The following PCDH9 variants were observed in gnomAD, a reference collection of about 807,000 sequenced individuals.
The protein encoded by PCDH9 is protocadherin-9.
Under a neutral mutation model 70.6 loss-of-function variants are expected in PCDH9, and 24 were observed. The ratio of observed to expected loss-of-function variants is 0.34; its 90% CI spans 0.25 to 0.48. The LOEUF (loss-of-function observed/expected upper bound fraction) is 0.48. Among genes scored for constraint, PCDH9 ranks in the 20% least tolerant of loss-of-function variants. The pLI is 0.99. For synonymous variants in PCDH9, 562 were observed against 558.5 expected, an observed-to-expected ratio of 1.01 and a Z score of -0.09; for missense variants, 1,281 against 1,503.6, an observed-to-expected ratio of 0.85 and a Z score of 2.45.
At chr13:66,552,922 G>A (rs1357938294) in intron 4 of PCDH9, among the ~76,000 whole-genome samples, 3 of 152,058 alleles carry the variant, frequency 2.0e-5, no homozygotes, top group East Asian at 1.9e-4. Context: ...AAGCAAACAC[G>A]TCCTTCTTCA....
chr13:67,225,404 C>T lies in PCDH9; in HGVS notation c.3036+1G>A. The T allele has an allele frequency of 6.2e-7, 1 of 1,613,560 alleles. No individual in the cohort carries two copies. The highest frequency in any genetic ancestry group is 8.5e-7 in the Non-Finnish European group (1 of 1,179,742). On this transcript the variant is annotated splice_donor_variant, in intron 2 of 4. Coordinates refer to ENST00000377865, the MANE Select transcript of PCDH9 (RefSeq NM_203487.3). LOFTEE classifies it high-confidence loss of function. ...ATAGACCAGTAAAAGTGCTCGTTTACCTGTCTGGTGTGTAAGGGGCCCTTT... is the reference window on the plus strand; with the variant it reads ...ATAGACCAGTAAAAGTGCTCGTTTATCTGTCTGGTGTGTAAGGGGCCCTTT...
At chr13:66,904,434 A>G (rs9571688) in intron 2 of PCDH9, among the ~76,000 whole-genome samples, 41,603 of 151,852 alleles carry the variant, frequency 0.27, 6,116 homozygotes, top group East Asian at 0.38. Context: ...ATTTGTAAGT[A>G]TTGCTGTCTG....
At chr13:66,716,651 G>T (rs1455476288) in intron 3 of PCDH9, among the ~76,000 whole-genome samples, 1 of 152,158 alleles carries the variant, frequency 6.6e-6, no homozygotes, top group Non-Finnish European at 1.5e-5. Context: ...CCCTGGCATT[G>T]CTTGGATGGG....
At chr13:67,010,183 T>C (rs754750861) in intron 2 of PCDH9, among the ~76,000 whole-genome samples, 5 of 152,064 alleles carry the variant, frequency 3.3e-5, no homozygotes, top group Non-Finnish European at 7.4e-5. Flanking sequence ...AATTAACTAC[T>C]ATTATTGTTG....
At chr13:67,122,644 C>T (rs1376146539) in intron 2 of PCDH9, among the ~76,000 whole-genome samples, 3 of 151,564 alleles carry the variant, frequency 2.0e-5, no homozygotes, top group East Asian at 1.9e-4. Flanking sequence ...TGTAGTGATG[C>T]GTGCCTGTAA....
At chr13:67,045,552 A>G (rs1277729152) in intron 2 of PCDH9, among the ~76,000 whole-genome samples, 1 of 151,984 alleles carries the variant, frequency 6.6e-6, no homozygotes, top group African/African-American at 2.4e-5. Context: ...AACAACAACA[A>G]GAAAAACAAA....
At chr13:66,316,376 C>T (rs867780502) in intron 4 of PCDH9, among the ~76,000 whole-genome samples, 65 of 152,306 alleles carry the variant, frequency 4.3e-4, no homozygotes, top group African/African-American at 1.5e-3. Flanking sequence ...GAATGCCTCA[C>T]TCCTCTGCTT....
At chr13:67,218,332 T>G (rs1237730445) in intron 2 of PCDH9, 1 of 152,042 alleles carries the variant, frequency 6.6e-6, no homozygotes, top group Non-Finnish European at 1.5e-5. Flanking sequence ...GAATGAAAGC[T>G]GAAGATTAAG....
At position 66,490,749 on chromosome 13, in the gene PCDH9, G is replaced by GA. The variant is rs200413029; in HGVS notation, c.3340+140460dup. 9.4e-4 allele frequency among the ~76,000 whole-genome samples: 142 copies of GA among 150,936 alleles called. 1 individual carries two copies. In the East Asian group the frequency reaches 0.016, roughly 17 times the overall value. On this transcript the variant is annotated intron_variant, in intron 4 of 4. Transcript: ENST00000377865. The stretch of plus-strand genomic sequence containing the variant: ...GACTAATCAAAGCACATAAAATTCA[G>GA]AAAAAAAAATTCCTGATGCAAAAAA...
At chr13:67,222,640 G>A (rs919582765) in intron 2 of PCDH9, 4 of 152,062 alleles carry the variant, frequency 2.6e-5, no homozygotes, top group African/African-American at 9.7e-5. Context: ...AGCATAAAAT[G>A]AAAAGATGGT....
intron 4 of PCDH9, among the ~76,000 whole-genome samples, chr13:66,352,971 T>C (rs1956316466): frequency 6.6e-6 from 1 of 152,138 alleles, no homozygotes; most frequent in African/African-American, 2.4e-5. Context: ...AATGCAGCCA[T>C]GATCAATACA....
chr13:67,225,007 T>C, intron 2 of PCDH9: 1 of 1,032,448 alleles, frequency 9.7e-7, no homozygotes, highest in Non-Finnish European at 1.2e-6. Context: ...CATTGAAAAC[T>C]TGAGATTTGA....
intron 4 of PCDH9, among the ~76,000 whole-genome samples, chr13:66,495,926 C>T (rs918446562): frequency 1.3e-5 from 2 of 152,180 alleles, no homozygotes; most frequent in Non-Finnish European, 2.9e-5. Flanking sequence ...GTTTCCTCTT[C>T]TGTGAAACAG....
intron 4 of PCDH9, among the ~76,000 whole-genome samples, chr13:66,545,116 GAATAAGA>G (rs1471250858): frequency 5.3e-5 from 8 of 152,060 alleles, no homozygotes; most frequent in African/African-American, 1.9e-4. Context: ...TGATTACATT[GAATAAGA>G]AAAACAAGGT....
chr13:66,955,009 C>T (rs1258735830), intron 2 of PCDH9, among the ~76,000 whole-genome samples: 1 of 152,124 alleles, frequency 6.6e-6, no homozygotes, highest in Non-Finnish European at 1.5e-5. Context: ...GTGATCTGCC[C>T]GCCTCAGCCT....
chr13:66,593,783 C>G (rs928364218), intron 4 of PCDH9, among the ~76,000 whole-genome samples: 16 of 151,538 alleles, frequency 1.1e-4, no homozygotes, highest in Non-Finnish European at 1.5e-5. Context: ...AATAATTTTT[C>G]AAAGGATGAA....
At chr13:67,006,120 G>A (rs11620024) in intron 2 of PCDH9, among the ~76,000 whole-genome samples, 3 of 152,252 alleles carry the variant, frequency 2.0e-5, no homozygotes, top group South Asian at 2.1e-4. Context: ...CCAGCTACTC[G>A]GGAGGCTGAG....
intron 2 of PCDH9, among the ~76,000 whole-genome samples, chr13:67,141,829 T>C (rs1486815939): frequency 2.0e-5 from 3 of 151,808 alleles, no homozygotes; most frequent in African/African-American, 7.3e-5. Flanking sequence ...TAATCCTGAG[T>C]CTCAAGAGAT....
rs200662125 is a variant in PCDH9, at chr13:66,476,769, G to A, written c.3340+154441C>T. ...ATTGTTTTAGTATCACAAACCAGGAGTGTTATCAGGAGACTAATATCCAAA... is the reference window on the plus strand; with the variant it reads ...ATTGTTTTAGTATCACAAACCAGGAATGTTATCAGGAGACTAATATCCAAA... On this transcript the variant is annotated intron_variant, in intron 4 of 4. Transcript: ENST00000377865. Among the ~76,000 whole-genome samples the A allele has an allele frequency of 1.2e-4, 19 of 152,068 alleles. No individual in the cohort carries two copies. In the East Asian group the frequency reaches 3.3e-3, roughly 26 times the overall value.
Sources: gnomAD v4.1 joint callset for allele counts (sites outside exome capture counted in the v4.1 genomes callset) on GRCh38, gnomAD v4.1.1 for gene constraint, MANE v1.5 for transcripts, NCBI Gene and HGNC (gene_info 2026-07-23, HGNC 2026-07-21) for gene names.